KIRREL3: variants seen among roughly 807,000 people sequenced by gnomAD.
KIRREL3 encodes the protein kirre like nephrin family adhesion molecule 3.
A neutral mutation model predicts 89.7 loss-of-function variants in KIRREL3; 36 were observed. The ratio of observed to expected loss-of-function variants is 0.40; its 90% CI spans 0.31 to 0.53. KIRREL3 has a LOEUF of 0.53. Ranked by LOEUF, KIRREL3 falls within the 20% of genes least tolerant of loss-of-function variation. KIRREL3 has a pLI of 0.49. For missense variants in KIRREL3, 864 were observed against 1,056.6 expected (o/e 0.82, Z 2.53); for synonymous variants, 445 against 441.4 (o/e 1.01, Z -0.10).
chr11:126,583,170 AGATG>A (rs1215118745), intron 1 of KIRREL3, among the ~76,000 whole-genome samples: 1 of 152,164 alleles, frequency 6.6e-6, no homozygotes, highest in Non-Finnish European at 1.5e-5. Context: ...ACACCATGTC[AGATG>A]TGGTCCTGGA....
chr11:126,533,284 T>C (rs1303503861), intron 2 of KIRREL3, among the ~76,000 whole-genome samples: 1 of 152,202 alleles, frequency 6.6e-6, no homozygotes, highest in Non-Finnish European at 1.5e-5. Context: ...GCAGTCTGGT[T>C]CCAGAGCAGC....
chr11:126,685,697 G>A lies in KIRREL3; in HGVS notation c.56-122785C>T, dbSNP rs540574627. On this transcript the variant is annotated intron_variant, in intron 1 of 16. Coordinates refer to ENST00000525144, the MANE Select transcript of KIRREL3 (RefSeq NM_032531.4). The surrounding 1 kb of genome is among the most constrained non-coding windows in gnomAD (Gnocchi z 5.5). ...TGGCTGAGTTAAAGTGCTGTGACAC[G>A]TCGTTTCCATCTCATTTTGAGATCT... Among the ~76,000 whole-genome samples, 5 of 152,350 alleles carry A rather than the reference G, an allele frequency of 3.3e-5. No individual in the cohort carries two copies. Among genetic ancestry groups the A allele is most frequent in the African/African-American group, 9.6e-5 (4 of 41,586 alleles).
At chr11:126,787,537 T>C (rs1192226777) in intron 1 of KIRREL3, among the ~76,000 whole-genome samples, 1 of 152,194 alleles carries the variant, frequency 6.6e-6, no homozygotes, top group African/African-American at 2.4e-5. Flanking sequence ...CTTCTTTTCA[T>C]GTTTTTCACT....
At position 126,990,142 on chromosome 11, in the gene KIRREL3, C is replaced by T. The variant is rs1042919661; in HGVS notation, c.55+10313G>A. Among the ~76,000 whole-genome samples, 5 of 152,104 alleles carry T rather than the reference C, an allele frequency of 3.3e-5. No individual in the cohort carries two copies. Among genetic ancestry groups the T allele is most frequent in the African/African-American group, 1.2e-4 (5 of 41,410 alleles). On this transcript the variant is annotated intron_variant, in intron 1 of 16. Coordinates refer to ENST00000525144, the MANE Select transcript of KIRREL3 (RefSeq NM_032531.4). The surrounding 1 kb of genome is among the most constrained non-coding windows in gnomAD (Gnocchi z 6.3). ...GTAGGGGCTCTGGGCTGGCGGTCCC[C>T]CTGCTGGGGAGGACTCACCTTCACA... is the stretch of plus-strand genomic sequence containing the variant.
intron 4 of KIRREL3, among the ~76,000 whole-genome samples, chr11:126,506,965 G>A (rs73633707): frequency 0.022 from 3,382 of 152,138 alleles, 141 homozygotes; most frequent in African/African-American, 0.077. Flanking sequence ...GAAACAATCC[G>A]ACTGTCTGCC....
chr11:126,874,466 G>A (rs2134682454), intron 1 of KIRREL3, among the ~76,000 whole-genome samples: 1 of 152,344 alleles, frequency 6.6e-6, no homozygotes, highest in South Asian at 2.1e-4. Flanking sequence ...GCCGGTGCCT[G>A]TGCTGCTGAT....
Position 126,843,843 on chromosome 11 carries a change from T to C in KIRREL3, c.55+156612A>G, listed in dbSNP as rs1478063469. ...CACTGCTACACTCCCACCCGTGCCA[T>C]GACAGTTTACAAATGCCATGGCAAC... On this transcript the variant is annotated intron_variant, in intron 1 of 16. Coordinates refer to ENST00000525144, the MANE Select transcript of KIRREL3 (RefSeq NM_032531.4). The surrounding 1 kb of genome is among the most constrained non-coding windows in gnomAD (Gnocchi z 4.6). 2.0e-5 allele frequency among the ~76,000 whole-genome samples: 3 copies of C among 152,120 alleles called. No individual in the cohort carries two copies. The highest frequency in any genetic ancestry group is 2.9e-5 in the Non-Finnish European group (2 of 68,018).
chr11:126,468,890 G>A lies in KIRREL3; in HGVS notation c.591+4419C>T, dbSNP rs192130901. On this transcript the variant is annotated intron_variant, in intron 5 of 16. Transcript: ENST00000525144. ...TCACCATGTTATGTTACGGATCCCA[G>A]GTTTGAGCTAGGCCTTCAGAACCAT... 1.0e-3 allele frequency among the ~76,000 whole-genome samples: 152 copies of A among 152,314 alleles called. 5 individuals carry two copies. Among genetic ancestry groups the A allele is most frequent in the African/African-American group, 3.5e-3 (145 of 41,572 alleles).
rs562775894 is a variant in KIRREL3, at chr11:126,572,080, G to A, written c.56-9168C>T. Reference sequence around the variant, plus strand: ...CTCGACAGCTATGTGTCCTACCCCTGGGGAGGCTCAGCCTGGTCCATTCAG... The same window carrying A: ...CTCGACAGCTATGTGTCCTACCCCTAGGGAGGCTCAGCCTGGTCCATTCAG... On this transcript the variant is annotated intron_variant, in intron 1 of 16. Transcript: ENST00000525144. Among the ~76,000 whole-genome samples the A allele has an allele frequency of 6.6e-5, 10 of 152,324 alleles. No individual in the cohort carries two copies. The East Asian group carries it at 1.9e-3, about 29-fold the overall frequency.
At chr11:126,871,008 A>C (rs1169718246) in intron 1 of KIRREL3, among the ~76,000 whole-genome samples, 1 of 152,186 alleles carries the variant, frequency 6.6e-6, no homozygotes, top group African/African-American at 2.4e-5. Flanking sequence ...AAGCTGGCTC[A>C]GTTTGGGCTC....
At chr11:126,706,688 T>G (rs115402208) in intron 1 of KIRREL3, among the ~76,000 whole-genome samples, 1,636 of 152,324 alleles carry the variant, frequency 0.011, 21 homozygotes, top group African/African-American at 0.038. Flanking sequence ...TTTTTAAAAA[T>G]CATTTATTTT....
intron 1 of KIRREL3, among the ~76,000 whole-genome samples, chr11:126,646,503 C>T (rs1401204428): frequency 4.8e-5 from 6 of 125,916 alleles, no homozygotes; most frequent in African/African-American, 1.8e-4. Flanking sequence ...GAGACAGAGT[C>T]TCGTTCTGTT....
At position 126,843,523 on chromosome 11, in the gene KIRREL3, A is replaced by G. The variant is rs1944032858; in HGVS notation, c.55+156932T>C. On this transcript the variant is annotated intron_variant, in intron 1 of 16. Coordinates refer to ENST00000525144, the MANE Select transcript of KIRREL3 (RefSeq NM_032531.4). The surrounding 1 kb of genome is among the most constrained non-coding windows in gnomAD (Gnocchi z 4.6). Reference sequence around the variant, plus strand: ...ACAGAGACTTCCAGCCTAGTCAGCTATGCAATCAAACCAAAGCATGCCTAA... The same window carrying G: ...ACAGAGACTTCCAGCCTAGTCAGCTGTGCAATCAAACCAAAGCATGCCTAA... Among the ~76,000 whole-genome samples the G allele has an allele frequency of 2.6e-5, 4 of 152,152 alleles. No homozygotes were observed. The South Asian group carries it at 6.2e-4, about 24-fold the overall frequency.
chr11:126,769,902 G>A lies in KIRREL3; in HGVS notation c.56-206990C>T, dbSNP rs1340771978. Among the ~76,000 whole-genome samples, 1 of 152,176 alleles carries A rather than the reference G, an allele frequency of 6.6e-6. No individual in the cohort carries two copies. Among genetic ancestry groups the A allele is most frequent in the Non-Finnish European group, 1.5e-5 (1 of 68,038 alleles). On this transcript the variant is annotated intron_variant, in intron 1 of 16. Coordinates refer to ENST00000525144, the MANE Select transcript of KIRREL3 (RefSeq NM_032531.4). The surrounding 1 kb of genome is among the most constrained non-coding windows in gnomAD (Gnocchi z 4.3). ...GATAAAGGTAATAACACATACCCAG[G>A]GGGGTTGGCTTGGCGGAGTGTTGGG... is the stretch of plus-strand genomic sequence containing the variant.
chr11:126,786,283 G>T (rs1382041823), intron 1 of KIRREL3, among the ~76,000 whole-genome samples: 6 of 152,176 alleles, frequency 3.9e-5, no homozygotes, highest in Admixed American at 3.9e-4. Flanking sequence ...ATAAGAAAAA[G>T]ACTCAAAGGA....
At chr11:126,851,894 A>T (rs1476888713) in intron 1 of KIRREL3, among the ~76,000 whole-genome samples, 1 of 152,162 alleles carries the variant, frequency 6.6e-6, no homozygotes, top group Non-Finnish European at 1.5e-5. Flanking sequence ...TAGCTGCTGT[A>T]AAGCAGACCG....
chr11:126,707,329 A>G (rs1332984718), intron 1 of KIRREL3, among the ~76,000 whole-genome samples: 1 of 124,534 alleles, frequency 8.0e-6, no homozygotes, highest in Non-Finnish European at 1.7e-5. Flanking sequence ...GTCTGATTTT[A>G]TGGTTTCGTC....
chr11:126,523,012 C>T lies in KIRREL3; in HGVS notation c.284-1548G>A, dbSNP rs1958644316. On this transcript the variant is annotated intron_variant, in intron 3 of 16. Coordinates refer to ENST00000525144, the MANE Select transcript of KIRREL3 (RefSeq NM_032531.4). This position sits in a 1 kb window ranked among gnomAD's most constrained non-coding sequence, Gnocchi z 4.9. ...GAACAAAGACAGGCAGGGAGACCTG[C>T]AAGAGCTCGCCTCAAGTATTTCAAA... Among the ~76,000 whole-genome samples, 1 of 152,226 alleles carries T rather than the reference C, an allele frequency of 6.6e-6. No homozygotes were observed. Among genetic ancestry groups the T allele is most frequent in the Non-Finnish European group, 1.5e-5 (1 of 68,040 alleles).
In KIRREL3 at chr11:126,647,547, C is replaced by T. The variant is rs1591872587; in HGVS notation, c.56-84635G>A. On this transcript the variant is annotated intron_variant, in intron 1 of 16. Coordinates refer to ENST00000525144, the MANE Select transcript of KIRREL3 (RefSeq NM_032531.4). This position sits in a 1 kb window ranked among gnomAD's most constrained non-coding sequence, Gnocchi z 4.9. The stretch of plus-strand genomic sequence containing the variant: ...GCACCTTTTAGTGTAAGGTACTCTG[C>T]TGGGAGCCCAAAAGTTTACAGCGAA... 1.3e-5 allele frequency among the ~76,000 whole-genome samples: 2 copies of T among 152,210 alleles called. No individual in the cohort carries two copies. The highest frequency in any genetic ancestry group is 4.8e-5 in the African/African-American group (2 of 41,454).
Sources: gnomAD v4.1 joint callset for allele counts (sites outside exome capture counted in the v4.1 genomes callset) on GRCh38, gnomAD v4.1.1 for gene constraint, Gnocchi (gnomAD v3.1) non-coding constraint, MANE v1.5 for transcripts, NCBI Gene and HGNC (gene_info 2026-07-23, HGNC 2026-07-21) for gene names.